GPC3: variants seen among roughly 807,000 people sequenced by gnomAD.
GPC3 encodes glypican-3.
GPC3 carries 3 observed loss-of-function variants against 34.4 expected under a neutral mutation model. The observed-to-expected ratio is 0.09, with a 90% CI of 0.04 to 0.23. GPC3 has a LOEUF of 0.23. Ranked by LOEUF, GPC3 falls within the 10% of genes least tolerant of loss-of-function variation. The probability of loss-of-function intolerance (pLI) is 1.00; values close to 1 mark genes in which losing one functional copy is unlikely to be tolerated. For synonymous variants in GPC3, 177 were observed against 174.0 expected, an observed-to-expected ratio of 1.02 and a Z score of -0.13; for missense variants, 351 against 445.6, an observed-to-expected ratio of 0.79 and a Z score of 1.91.
At chrX:133,932,580 G>A (rs975234971) in intron 2 of GPC3, among the ~76,000 whole-genome samples, 1 of 111,599 alleles carries the variant, frequency 9.0e-6, no homozygotes, top group Non-Finnish European at 1.9e-5. Context: ...GCTTATTTGA[G>A]TCCATTAAAT....
chrX:133,615,022 T>C (rs969260852), intron 6 of GPC3, among the ~76,000 whole-genome samples: 1 of 111,824 alleles, frequency 8.9e-6, no homozygotes, highest in African/African-American at 3.2e-5. Flanking sequence ...TCTGAATAGA[T>C]CTATAACAAG....
chrX:133,885,057 A>G (rs1450883511), intron 2 of GPC3, among the ~76,000 whole-genome samples: 1 of 112,220 alleles, frequency 8.9e-6, no homozygotes, highest in Non-Finnish European at 1.9e-5. Context: ...CATTATGACC[A>G]TGGCACTAAA....
chrX:133,870,807 C>T (rs979224050), intron 2 of GPC3, among the ~76,000 whole-genome samples: 1 of 111,627 alleles, frequency 9.0e-6, no homozygotes, highest in African/African-American at 3.3e-5. Flanking sequence ...AAATTTGGTA[C>T]TCAAATGTCA....
chrX:133,573,296 A>G (rs1276796596), intron 7 of GPC3, among the ~76,000 whole-genome samples: 1 of 112,115 alleles, frequency 8.9e-6, no homozygotes, highest in East Asian at 2.8e-4. Context: ...CAGAGCTATT[A>G]ATAATTTACT....
chrX:133,700,099 G>T, intron 3 of GPC3, 71 bp from the exon 4 acceptor site: 3 of 839,865 alleles, frequency 3.6e-6, no homozygotes, highest in Non-Finnish European at 3.5e-6. Flanking sequence ...ATTCTGAAAG[G>T]CACTTCAATT....
chrX:133,578,501 C>A (rs988346770), intron 7 of GPC3, among the ~76,000 whole-genome samples: 3 of 111,373 alleles, frequency 2.7e-5, no homozygotes, highest in African/African-American at 9.8e-5. Context: ...CCAGCCTGGG[C>A]AACATGGCAA....
intron 2 of GPC3, among the ~76,000 whole-genome samples, chrX:133,817,133 T>C (rs2075695853): frequency 8.9e-6 from 1 of 111,740 alleles, no homozygotes; most frequent in Admixed American, 9.5e-5. Context: ...ATACCATTAT[T>C]CTCCTCCAAG....
chrX:133,881,447 C>G (rs1273759576), intron 2 of GPC3, among the ~76,000 whole-genome samples: 2 of 112,343 alleles, frequency 1.8e-5, no homozygotes, highest in African/African-American at 6.5e-5. Context: ...GTTTTATGTT[C>G]AAATTTAAAT....
chrX:133,703,454 CAGGAAG>C (rs1415330862), intron 3 of GPC3, among the ~76,000 whole-genome samples: 2 of 107,199 alleles, frequency 1.9e-5, no homozygotes, highest in East Asian at 5.9e-4. Flanking sequence ...ATATCCAGGC[CAGGAAG>C]TTTTTTTTTT....
intron 3 of GPC3, among the ~76,000 whole-genome samples, chrX:133,740,963 G>C (rs764511778): frequency 9.0e-6 from 1 of 110,916 alleles, no homozygotes; most frequent in African/African-American, 3.3e-5. Flanking sequence ...GAAAAATTTA[G>C]TTAGCTCATT....
At chrX:133,727,889 C>A (rs1051384101) in intron 3 of GPC3, among the ~76,000 whole-genome samples, 3 of 112,181 alleles carry the variant, frequency 2.7e-5, no homozygotes, top group Non-Finnish European at 5.6e-5. Flanking sequence ...TGTCTCTGAT[C>A]ACCGGAAACA....
intron 2 of GPC3, among the ~76,000 whole-genome samples, chrX:133,947,092 G>A (rs2076372196): frequency 8.9e-6 from 1 of 112,012 alleles, no homozygotes; most frequent in Non-Finnish European, 1.9e-5. Flanking sequence ...AGGAACATAT[G>A]TTTTCAGAAA....
At chrX:133,609,106 A>C (rs917210983) in intron 6 of GPC3, among the ~76,000 whole-genome samples, 1 of 112,375 alleles carries the variant, frequency 8.9e-6, no homozygotes, top group Non-Finnish European at 1.9e-5. Context: ...TTCACTCCTT[A>C]AGTAAACATT....
At chrX:133,585,946 C>T (rs191977471) in intron 7 of GPC3, among the ~76,000 whole-genome samples, 344 of 112,023 alleles carry the variant, frequency 3.1e-3, no homozygotes, top group African/African-American at 0.01. Context: ...CACAATATCC[C>T]TAATACTTAC....
At chrX:133,970,254 G>C (rs1429931160) in intron 1 of GPC3, among the ~76,000 whole-genome samples, 1 of 111,381 alleles carries the variant, frequency 9.0e-6, no homozygotes, top group East Asian at 2.8e-4. Context: ...AATGTGCCGG[G>C]CTCCACATAT....
At chrX:133,728,624 T>C (rs2071435248) in intron 3 of GPC3, among the ~76,000 whole-genome samples, 1 of 112,837 alleles carries the variant, frequency 8.9e-6, no homozygotes, top group Non-Finnish European at 1.9e-5. Context: ...TTTGGCTTAG[T>C]ATCTCCTTTA....
At chrX:133,627,617 A>G (rs965401198) in intron 6 of GPC3, among the ~76,000 whole-genome samples, 1 of 112,489 alleles carries the variant, frequency 8.9e-6, no homozygotes, top group African/African-American at 3.2e-5. Context: ...CTGGCTTTCT[A>G]TCTGATAAGT....
intron 2 of GPC3, among the ~76,000 whole-genome samples, chrX:133,807,720 C>G (rs887297737): frequency 8.9e-6 from 1 of 112,415 alleles, no homozygotes; most frequent in African/African-American, 3.2e-5. Context: ...TGTGGCCAGG[C>G]ACTGTGCTCA....
chrX:133,836,526 G>A (rs774851845), intron 2 of GPC3, among the ~76,000 whole-genome samples: 1 of 111,669 alleles, frequency 9.0e-6, no homozygotes, highest in Non-Finnish European at 1.9e-5. Flanking sequence ...GCTTTGAACC[G>A]CTGAACTGGA....
Sources: allele counts gnomAD v4.1 joint callset (sites outside exome capture counted in the v4.1 genomes callset), GRCh38; gene constraint gnomAD v4.1.1; transcripts MANE v1.5; gene names NCBI Gene and HGNC (gene_info 2026-07-23, HGNC 2026-07-21).